The following GAB2 variants were observed in gnomAD, a reference collection of about 807,000 sequenced individuals.
GAB2 encodes the protein GRB2 associated binding protein 2, also known as GRB2-associated-binding protein 2.
A neutral mutation model predicts 65.5 loss-of-function variants in GAB2; 26 were observed. The observed-to-expected ratio is 0.40, with a 90% CI of 0.29 to 0.55. GAB2 has a LOEUF of 0.55. Among genes scored for constraint, GAB2 ranks in the 20% least tolerant of loss-of-function variants. The pLI, the probability that GAB2 is intolerant of heterozygous loss-of-function variation, is 0.53. For missense variants in GAB2, 884 were observed against 875.8 expected, an observed-to-expected ratio of 1.01 and a Z score of -0.12; for synonymous variants, 321 against 329.6, an observed-to-expected ratio of 0.97 and a Z score of 0.28.
At chr11:78,405,039 TA>T (rs1346745902) in intron 1 of GAB2, among the ~76,000 whole-genome samples, 2 of 150,470 alleles carry the variant, frequency 1.3e-5, no homozygotes, top group African/African-American at 4.9e-5. Flanking sequence ...AAGTAAAAAT[TA>T]AAAAAATAAA....
At chr11:78,259,725 A>T (rs1006454905) in intron 2 of GAB2, among the ~76,000 whole-genome samples, 1 of 151,902 alleles carries the variant, frequency 6.6e-6, no homozygotes, top group African/African-American at 2.4e-5. Context: ...TATCACCACC[A>T]CCCTCCTCCT....
At chr11:78,290,732 G>T (rs1866641961) in intron 1 of GAB2, among the ~76,000 whole-genome samples, 1 of 152,148 alleles carries the variant, frequency 6.6e-6, no homozygotes, top group Admixed American at 6.5e-5. Context: ...AGAGCGATTT[G>T]ATTTATTTTT....
intron 1 of GAB2, among the ~76,000 whole-genome samples, chr11:78,292,670 T>C (rs1390487758): frequency 6.6e-6 from 1 of 152,246 alleles, no homozygotes; most frequent in East Asian, 1.9e-4. Flanking sequence ...GTGGGAGTCA[T>C]GTAACAGTTA....
chr11:78,401,663 G>A (rs1856975094), intron 1 of GAB2, among the ~76,000 whole-genome samples: 1 of 152,064 alleles, frequency 6.6e-6, no homozygotes, highest in Non-Finnish European at 1.5e-5. Flanking sequence ...GTGTGCGTGT[G>A]TGTATATATA....
intron 6 of GAB2, 129 bp downstream of exon 6, chr11:78,223,283 G>A: frequency 1.4e-6 from 1 of 697,358 alleles, no homozygotes; most frequent in East Asian, 3.0e-5. Flanking sequence ...TAAGAAAACT[G>A]AGACTCAGAT....
chr11:78,375,130 G>A (rs1856617036), intron 1 of GAB2, among the ~76,000 whole-genome samples: 1 of 152,094 alleles, frequency 6.6e-6, no homozygotes, highest in African/African-American at 2.4e-5. Context: ...CTGCAGCCTA[G>A]AACTCCTGGG....
rs776668542 is a variant in GAB2 at position 78,244,368 on chromosome 11, T to C, written c.620+5789A>G. Among the ~76,000 whole-genome samples the C allele has an allele frequency of 8.4e-4, 127 of 151,206 alleles. 1 individual carries two copies. The highest frequency in any genetic ancestry group is 3.4e-3 in the Middle Eastern group (1 of 292). Reference sequence around the variant, plus strand: ...GATCGCACCATTGCACTCCAGCCTGTACGACAGAGGGAGATTCTGTCTCAA... The same window carrying C: ...GATCGCACCATTGCACTCCAGCCTGCACGACAGAGGGAGATTCTGTCTCAA... On this transcript the variant is annotated intron_variant, in intron 3 of 9. Coordinates refer to ENST00000361507, the MANE Select transcript of GAB2 (RefSeq NM_080491.3).
At chr11:78,306,720 G>C (rs1443001626) in intron 1 of GAB2, among the ~76,000 whole-genome samples, 8 of 152,158 alleles carry the variant, frequency 5.3e-5, no homozygotes, top group Non-Finnish European at 5.9e-5. Flanking sequence ...AGAGTGAAAG[G>C]ATGTACAGAC....
At chr11:78,309,236 A>G (rs1382969023) in intron 1 of GAB2, among the ~76,000 whole-genome samples, 2 of 152,152 alleles carry the variant, frequency 1.3e-5, no homozygotes, top group Admixed American at 6.5e-5. Flanking sequence ...AAAAATTGAG[A>G]TATGATTCAC....
chr11:78,255,423 C>T (rs1003187573), intron 2 of GAB2, among the ~76,000 whole-genome samples: 1 of 152,142 alleles, frequency 6.6e-6, no homozygotes, highest in African/African-American at 2.4e-5. Flanking sequence ...AAACATCAAA[C>T]AAGGTTTTCT....
chr11:78,250,495 G>T, intron 2 of GAB2, 95 bp from the exon 3 acceptor site: 2 of 1,137,846 alleles, frequency 1.8e-6, no homozygotes, highest in South Asian at 2.7e-5. Flanking sequence ...AGTAAGAGCA[G>T]AGAAAATAAT....
chr11:78,306,851 C>A (rs1314496611), intron 1 of GAB2, among the ~76,000 whole-genome samples: 1 of 152,050 alleles, frequency 6.6e-6, no homozygotes, highest in African/African-American at 2.4e-5. Context: ...TTTCCTTGTT[C>A]GTAAAATAGA....
chr11:78,352,798 T>C (rs1193940907), intron 1 of GAB2, among the ~76,000 whole-genome samples: 1 of 152,226 alleles, frequency 6.6e-6, no homozygotes, highest in Admixed American at 6.5e-5. Flanking sequence ...GAAAGAATGC[T>C]GAAACTTCCA....
At chr11:78,224,800 T>G (rs947870752) in intron 5 of GAB2, among the ~76,000 whole-genome samples, 1 of 152,060 alleles carries the variant, frequency 6.6e-6, no homozygotes, top group Non-Finnish European at 1.5e-5. Flanking sequence ...GTGGGTAAGG[T>G]TGCTGTCTTA....
chr11:78,240,378 C>A (rs1395697275), intron 3 of GAB2, among the ~76,000 whole-genome samples: 1 of 151,630 alleles, frequency 6.6e-6, no homozygotes, highest in Non-Finnish European at 1.5e-5. Flanking sequence ...TGAGCTGATA[C>A]AGGACCCTGT....
chr11:78,300,192 C>CA (rs1384479866), intron 1 of GAB2, among the ~76,000 whole-genome samples: 1 of 152,010 alleles, frequency 6.6e-6, no homozygotes, highest in Non-Finnish European at 1.5e-5. Flanking sequence ...TAGAACATCA[C>CA]AAAAAATGGA....
intron 2 of GAB2, among the ~76,000 whole-genome samples, chr11:78,264,236 C>T (rs868577786): frequency 6.6e-6 from 1 of 151,918 alleles, no homozygotes; most frequent in Non-Finnish European, 1.5e-5. Context: ...AATACTGAGT[C>T]TTCTCCATAA....
chr11:78,388,793 C>A (rs1856799382), intron 1 of GAB2, among the ~76,000 whole-genome samples: 1 of 152,098 alleles, frequency 6.6e-6, no homozygotes, highest in Non-Finnish European at 1.5e-5. Flanking sequence ...ACCATCAGTC[C>A]TGCTTATTTT....
Position 78,219,413 on chromosome 11 carries a change from T to C in GAB2, c.1890A>G (p.Pro630=). 1 of 1,613,846 alleles carries C rather than the reference T, an allele frequency of 6.2e-7. No individual in the cohort carries two copies. Among genetic ancestry groups the C allele is most frequent in the Non-Finnish European group, 8.5e-7 (1 of 1,179,912 alleles). The part of the protein sequence containing the change: ...QPSSPSPHRK[P]STSSVTSDEK... ...CATCAGAGGTGACGGATGAAGTAGATGGCTGAGGGGACAGAGTGGGAAAGA... is the reference window on the plus strand; with the variant it reads ...CATCAGAGGTGACGGATGAAGTAGACGGCTGAGGGGACAGAGTGGGAAAGA... The change falls in exon 10 of 10, where the codon CCA becomes CCG. Residue 630 remains proline (P), a splice_region_variant and synonymous_variant. Coordinates refer to ENST00000361507, the MANE Select transcript of GAB2 (RefSeq NM_080491.3).
Sources: allele counts gnomAD v4.1 joint callset (sites outside exome capture counted in the v4.1 genomes callset), GRCh38; gene constraint gnomAD v4.1.1; transcripts MANE v1.5; gene names NCBI Gene and HGNC (gene_info 2026-07-23, HGNC 2026-07-21).